The following SMIM14 variants were observed in gnomAD, a reference collection of about 807,000 sequenced individuals.
The protein encoded by SMIM14 is chromosome 4 open reading frame 34.
SMIM14 carries 5 observed loss-of-function variants against 12.6 expected under a neutral mutation model. The observed-to-expected ratio is 0.40, with a 90% confidence interval of 0.21 to 0.83. SMIM14 has a LOEUF of 0.83. SMIM14 is among the 40% of genes least tolerant of loss of function. SMIM14 has a pLI of 0.37. For missense variants in SMIM14, 86 were observed against 119.1 expected (o/e 0.72, Z 1.29); for synonymous variants, 30 against 40.1 (o/e 0.75, Z 0.95).
chr4:39,546,873 T>TG lies in SMIM14; in HGVS notation c.*5252dup, dbSNP rs1341075547. The TG allele has an allele frequency of 1.3e-5, 2 of 152,238 alleles. No homozygotes were observed. The highest frequency in any genetic ancestry group is 4.8e-5 in the African/African-American group (2 of 41,462). 9.4% of individuals were successfully genotyped at this position (152,238 alleles called of 1,614,324 possible). A position where few individuals can be genotyped will look rare whatever the true frequency, so the allele number is the denominator to read the frequency against. Reference sequence around the variant, plus strand: ...ATGAGTATTCATGACCTTTAATGTCTGGACACATTCTAGGTCACAGAACAG... The same window carrying TG: ...ATGAGTATTCATGACCTTTAATGTCTGGGACACATTCTAGGTCACAGAACAG... On this transcript the variant is annotated 3_prime_UTR_variant, in exon 5 of 5. Coordinates refer to ENST00000295958, the MANE Select transcript of SMIM14 (RefSeq NM_174921.3).
chr4:39,577,960 T>C (rs1242779352), intron 2 of SMIM14, among the ~76,000 whole-genome samples: 1 of 152,188 alleles, frequency 6.6e-6, no homozygotes, highest in African/African-American at 2.4e-5. Flanking sequence ...CTCTGAATAA[T>C]GAAATGCCGA....
intron 1 of SMIM14, among the ~76,000 whole-genome samples, chr4:39,628,760 T>G: frequency 6.9e-6 from 1 of 145,468 alleles, no homozygotes; most frequent in African/African-American, 2.5e-5. Context: ...TGAGCCGGAG[T>G]CTCCCTCTGT....
At chr4:39,572,863 G>A (rs970107730) in intron 2 of SMIM14, among the ~76,000 whole-genome samples, 3 of 151,822 alleles carry the variant, frequency 2.0e-5, no homozygotes, top group Admixed American at 6.6e-5. Context: ...TTGAGACAGG[G>A]TCTCACTCTG....
At chr4:39,581,249 C>T (rs575288045) in intron 2 of SMIM14, among the ~76,000 whole-genome samples, 7 of 152,098 alleles carry the variant, frequency 4.6e-5, no homozygotes, top group Non-Finnish European at 1.0e-4. Flanking sequence ...TATGCCTAAA[C>T]ATTTTATATT....
At chr4:39,565,803 C>A (rs1712540459) in intron 3 of SMIM14, among the ~76,000 whole-genome samples, 1 of 151,900 alleles carries the variant, frequency 6.6e-6, no homozygotes, top group Non-Finnish European at 1.5e-5. Context: ...TGGGAGGAAC[C>A]TGGTGGGAGG....
In SMIM14 at chr4:39,552,156, T is replaced by G; in HGVS notation, c.270A>C (p.Gly90=). The change falls in exon 5 of 5, where the codon GGA becomes GGC. Residue 90 remains glycine, a splice_region_variant and synonymous_variant. Transcript: ENST00000295958. ...CCACAGGAGGAGCTGGTGGATCTTG[T>G]CCCTGGCATTAGAAAGAAATAAATT... is the stretch of plus-strand genomic sequence containing the variant. ...LPGKPTSPHN[G]QDPPAPPVD 1.3e-6 allele frequency: 2 copies of G among 1,588,726 alleles called. No individual in the cohort carries two copies.
chr4:39,632,046 A>G (rs1715918046), intron 1 of SMIM14, among the ~76,000 whole-genome samples: 1 of 152,214 alleles, frequency 6.6e-6, no homozygotes, highest in African/African-American at 2.4e-5. Flanking sequence ...ACACCTAAAA[A>G]TTGGTTTAGT....
chr4:39,574,914 G>A (rs1389341553), intron 2 of SMIM14, among the ~76,000 whole-genome samples: 2 of 151,940 alleles, frequency 1.3e-5, no homozygotes, highest in African/African-American at 4.8e-5. Flanking sequence ...CAGGAGGATA[G>A]CTTAAACCTA....
intron 1 of SMIM14, among the ~76,000 whole-genome samples, chr4:39,627,996 T>G (rs1421303224): frequency 6.6e-6 from 1 of 152,142 alleles, no homozygotes; most frequent in African/African-American, 2.4e-5. Flanking sequence ...TCCTGTGTCA[T>G]GGAGAGAAAA....
At chr4:39,559,974 T>A (rs372143383) in intron 3 of SMIM14, among the ~76,000 whole-genome samples, 2 of 133,798 alleles carry the variant, frequency 1.5e-5, no homozygotes, top group Non-Finnish European at 3.1e-5. Flanking sequence ...AAAAAAAAAA[T>A]AGCCGGGTGT....
intron 2 of SMIM14, among the ~76,000 whole-genome samples, chr4:39,580,280 G>A (rs568909035): frequency 5.3e-5 from 8 of 152,210 alleles, no homozygotes; most frequent in Middle Eastern, 3.4e-3. Flanking sequence ...CCAGGCTGAT[G>A]TGATCCTCCC....
intron 1 of SMIM14, among the ~76,000 whole-genome samples, chr4:39,623,140 A>C (rs1290885366): frequency 1.3e-5 from 2 of 152,150 alleles, no homozygotes; most frequent in East Asian, 1.9e-4. Context: ...TAGGAATCTC[A>C]CTAAGTATTT....
intron 3 of SMIM14, among the ~76,000 whole-genome samples, chr4:39,559,460 G>A (rs1712184067): frequency 6.6e-6 from 1 of 152,080 alleles, no homozygotes; most frequent in Admixed American, 6.6e-5. Flanking sequence ...GGAAAATGTA[G>A]TATCCCTAGG....
intron 1 of SMIM14, among the ~76,000 whole-genome samples, chr4:39,637,937 C>A (rs1334177784): frequency 6.6e-6 from 1 of 152,210 alleles, no homozygotes; most frequent in Non-Finnish European, 1.5e-5. Flanking sequence ...TCTCTCGATG[C>A]AAAAGTAACA....
intron 2 of SMIM14, among the ~76,000 whole-genome samples, chr4:39,584,582 G>T (rs1441306334): frequency 1.3e-5 from 2 of 149,576 alleles, no homozygotes; most frequent in African/African-American, 4.9e-5. Context: ...AATTGCTTGA[G>T]CCCAGGAGTT....
chr4:39,573,198 C>A (rs1712990840), intron 2 of SMIM14, among the ~76,000 whole-genome samples: 1 of 150,438 alleles, frequency 6.6e-6, no homozygotes, highest in African/African-American at 2.4e-5. Context: ...CAGGTTCAAG[C>A]GATTCTCCTG....
At chr4:39,565,554 GC>G (rs1712528968) in intron 3 of SMIM14, among the ~76,000 whole-genome samples, 2 of 152,092 alleles carry the variant, frequency 1.3e-5, no homozygotes, top group South Asian at 4.1e-4. Context: ...GAACTCCTGA[GC>G]CCAAGTGATC....
At chr4:39,578,715 G>A (rs2110018169) in intron 2 of SMIM14, among the ~76,000 whole-genome samples, 1 of 152,224 alleles carries the variant, frequency 6.6e-6, no homozygotes, top group East Asian at 1.9e-4. Context: ...CAGAGAATGG[G>A]CTGGGCACGG....
intron 2 of SMIM14, among the ~76,000 whole-genome samples, chr4:39,596,156 C>A (rs1056244408): frequency 6.6e-6 from 1 of 151,872 alleles, no homozygotes; most frequent in Non-Finnish European, 1.5e-5. Context: ...AGTGCAATGG[C>A]GTGATCTCGG....
Sources: allele counts gnomAD v4.1 joint callset (sites outside exome capture counted in the v4.1 genomes callset), GRCh38; gene constraint gnomAD v4.1.1; transcripts MANE v1.5; gene names NCBI Gene and HGNC (gene_info 2026-07-23, HGNC 2026-07-21).